Variants in NSG1 observed in about 807,000 individuals in gnomAD.
The protein encoded by NSG1 is neuronal vesicle trafficking-associated protein 1.
Under a neutral mutation model 19.3 loss-of-function variants are expected in NSG1, and 9 were observed. The ratio of observed to expected loss-of-function variants is 0.47; its 90% CI spans 0.28 to 0.81. The LOEUF is 0.81. NSG1 is among the 40% of genes least tolerant of loss of function. The pLI is 0.11. For missense variants in NSG1, 236 were observed against 242.4 expected (o/e 0.97, Z 0.18); for synonymous variants, 104 against 107.0 (o/e 0.97, Z 0.17).
At chr4:4,395,342 G>A (rs1302790886) in intron 3 of NSG1, among the ~76,000 whole-genome samples, 2 of 152,198 alleles carry the variant, frequency 1.3e-5, no homozygotes, top group African/African-American at 4.8e-5. Flanking sequence ...GAGTTTTCGA[G>A]CCTTTCCGAT....
At chr4:4,413,994 G>A (rs1027758444) in intron 4 of NSG1, among the ~76,000 whole-genome samples, 11 of 152,074 alleles carry the variant, frequency 7.2e-5, no homozygotes, top group Admixed American at 3.3e-4. Context: ...GCCCTGAGCC[G>A]GAGAGAGGAC....
intron 4 of NSG1, chr4:4,416,305 A>G (rs1724537620): frequency 1.5e-6 from 1 of 675,042 alleles, no homozygotes; most frequent in Non-Finnish European, 2.7e-6. Flanking sequence ...GTTGGTGAGA[A>G]GCACATTCCA....
intron 4 of NSG1, among the ~76,000 whole-genome samples, chr4:4,410,910 C>T (rs528200077): frequency 6.6e-6 from 1 of 152,260 alleles, no homozygotes; most frequent in African/African-American, 2.4e-5. Context: ...CAGGCTGGAG[C>T]GCAATGGTGC....
At chr4:4,387,911 G>A (rs1261449681) in intron 2 of NSG1, among the ~76,000 whole-genome samples, 153 bp downstream of exon 2, 11 of 152,246 alleles carry the variant, frequency 7.2e-5, no homozygotes, top group African/African-American at 2.2e-4. Flanking sequence ...CAGTGTACCC[G>A]CGCGGGATTC....
At position 4,402,386 on chromosome 4, in the gene NSG1, T is replaced by A. The variant is rs1253063790; in HGVS notation, c.247-7187T>A. On this transcript the variant is annotated intron_variant, in intron 3 of 4. Coordinates refer to ENST00000621129, the MANE Select transcript of NSG1 (RefSeq NM_014392.5). ...ACGCCTGGTTATTTTTTTTTTTTTTTTTTTTTTTTTTTTTTTTTTGAGACG... is the reference window on the plus strand; with the variant it reads ...ACGCCTGGTTATTTTTTTTTTTTTTATTTTTTTTTTTTTTTTTTTGAGACG... 2.7e-4 allele frequency among the ~76,000 whole-genome samples: 25 copies of A among 93,754 alleles called. No individual in the cohort carries two copies. In the South Asian group the frequency reaches 8.0e-3, roughly 30 times the overall value. 61.5% of individuals were successfully genotyped at this position (93,754 alleles called of 152,430 possible). A position where few individuals can be genotyped will look rare whatever the true frequency, so the allele number is the denominator to read the frequency against.
chr4:4,407,273 G>T (rs1369441071), intron 3 of NSG1, among the ~76,000 whole-genome samples: 1 of 152,204 alleles, frequency 6.6e-6, no homozygotes, highest in Non-Finnish European at 1.5e-5. Context: ...CCAGGAGGAT[G>T]GGCCTGCTCA....
rs765753429 is a variant in NSG1, at chr4:4,391,644, G to T, written c.246+53G>T. 2.4e-6 allele frequency: 3 copies of T among 1,255,852 alleles called. No homozygotes were observed. In the Admixed American group the frequency reaches 6.3e-5, roughly 26 times the overall value. 77.8% of individuals were successfully genotyped at this position (1,255,852 alleles called of 1,614,324 possible). A position where few individuals can be genotyped will look rare whatever the true frequency, so the allele number is the denominator to read the frequency against. ...CTGCTTTTGCCCCCAGAAGGGGTCTGCTGAGCTGCATAGATGCCCTGCAGG... is the reference window on the plus strand; with the variant it reads ...CTGCTTTTGCCCCCAGAAGGGGTCTTCTGAGCTGCATAGATGCCCTGCAGG... On this transcript the variant is annotated intron_variant, in intron 3 of 4. Coordinates refer to ENST00000621129, the MANE Select transcript of NSG1 (RefSeq NM_014392.5).
rs375219811 is a variant in NSG1 at position 4,387,736 on chromosome 4, T to G, written c.107T>G (p.Leu36Arg). Reference protein sequence around the residue: ...PLMTPLDVNQLQFPPPDKVVV... With the variant: ...PLMTPLDVNQRQFPPPDKVVV... The stretch of plus-strand genomic sequence containing the variant: ...ATGACGCCCCTCGATGTCAATCAGC[T>G]GCAGTTCCCGCCCCCGGATAAGGTA... The change falls in exon 2 of 5, where the codon CTG becomes CGG. Residue 36 changes from leucine to arginine, a missense_variant. Physicochemically the swap from Leu to Arg is moderately radical, Grantham distance 102 (BLOSUM62 -2). Transcript: ENST00000621129. 1 of 1,612,046 alleles carries G rather than the reference T, an allele frequency of 6.2e-7. No homozygotes were observed. The highest frequency in any genetic ancestry group is 1.7e-5 in the Admixed American group (1 of 59,994).
At chr4:4,415,812 C>A in intron 4 of NSG1, 1 of 375,854 alleles carries the variant, frequency 2.7e-6, no homozygotes, top group Non-Finnish European at 4.9e-6. Context: ...GGTCCGTTTC[C>A]CTGAGGGATG....
At chr4:4,387,561 C>CGGGGGGGGGGGTG in intron 1 of NSG1, 43 bp from the exon 2 acceptor site, 7 of 1,141,986 alleles carry the variant, frequency 6.1e-6, no homozygotes, top group Non-Finnish European at 7.5e-6. Context: ...CGCCCCGCCC[C>CGGGGGGGGGGGTG]GGGTCTTGCT....
chr4:4,407,283 A>G (rs1723918217), intron 3 of NSG1, among the ~76,000 whole-genome samples: 1 of 152,150 alleles, frequency 6.6e-6, no homozygotes, highest in Admixed American at 6.5e-5. Flanking sequence ...GGGCCTGCTC[A>G]GAGGGGATGT....
At chr4:4,396,039 G>A (rs1282585258) in intron 3 of NSG1, among the ~76,000 whole-genome samples, 1 of 152,190 alleles carries the variant, frequency 6.6e-6, no homozygotes, top group Non-Finnish European at 1.5e-5. Context: ...ATGGCAGGAG[G>A]ACTCCCCCAG....
rs770772724 is a variant in NSG1, at chr4:4,417,456, C to A, written c.*21C>A. On this transcript the variant is annotated 3_prime_UTR_variant, in exon 5 of 5. Coordinates refer to ENST00000621129, the MANE Select transcript of NSG1 (RefSeq NM_014392.5). ...CTTAGCGGGATGGGCAAGTTCCTTA[C>A]AATGTGTCACTTGCAAATAACAAAG... 34 of 1,605,454 alleles carry A rather than the reference C, an allele frequency of 2.1e-5. No homozygotes were observed. In the South Asian group the frequency reaches 3.6e-4, roughly 17 times the overall value.
chr4:4,404,406 G>A (rs1387513892), intron 3 of NSG1, among the ~76,000 whole-genome samples: 6 of 152,176 alleles, frequency 3.9e-5, no homozygotes, highest in Non-Finnish European at 8.8e-5. Flanking sequence ...GTGCTGGGCC[G>A]GCATCCCCCT....
chr4:4,410,054 T>C (rs774311649), intron 4 of NSG1, among the ~76,000 whole-genome samples: 5 of 152,044 alleles, frequency 3.3e-5, no homozygotes, highest in Non-Finnish European at 7.4e-5. Flanking sequence ...GACGGGACCA[T>C]GTCCGCCACA....
intron 1 of NSG1, 43 bp from the exon 2 acceptor site, chr4:4,387,561 C>CCGGGGTT: frequency 8.8e-7 from 1 of 1,141,984 alleles, no homozygotes; most frequent in Non-Finnish European, 1.2e-6. Flanking sequence ...CGCCCCGCCC[C>CCGGGGTT]GGGTCTTGCT....
At chr4:4,412,126 C>T (rs979047110) in intron 4 of NSG1, among the ~76,000 whole-genome samples, 49 of 152,200 alleles carry the variant, frequency 3.2e-4, no homozygotes, top group African/African-American at 1.1e-3. Flanking sequence ...TCTTATGGGG[C>T]CACCATGGCA....
At chr4:4,409,244 ATG>A (rs981333028) in intron 3 of NSG1, among the ~76,000 whole-genome samples, 2 of 152,166 alleles carry the variant, frequency 1.3e-5, no homozygotes, top group African/African-American at 4.8e-5. Flanking sequence ...CTTCTCACAC[ATG>A]TGTCTTAGTG....
At chr4:4,403,152 G>A (rs546412799) in intron 3 of NSG1, among the ~76,000 whole-genome samples, 1 of 152,344 alleles carries the variant, frequency 6.6e-6, no homozygotes, top group East Asian at 1.9e-4. Flanking sequence ...TGTGCCAGAT[G>A]TGTGAATCAC....
Sources: gnomAD v4.1 joint callset for allele counts (sites outside exome capture counted in the v4.1 genomes callset) on GRCh38, gnomAD v4.1.1 for gene constraint, MANE v1.5 for transcripts, NCBI Gene and HGNC (gene_info 2026-07-23, HGNC 2026-07-21) for gene names.